Variants in SRGAP1 observed in about 807,000 individuals in gnomAD.
SRGAP1 encodes SLIT-ROBO Rho GTPase-activating protein 1.
A neutral mutation model predicts 121.9 loss-of-function variants in SRGAP1; 43 were observed. That is an observed-to-expected ratio of 0.35 (90% CI 0.28 to 0.46). The LOEUF is 0.46. Among genes scored for constraint, SRGAP1 ranks in the 20% least tolerant of loss-of-function variants. The pLI is 1.00. For missense variants in SRGAP1, 1,102 were observed against 1,350.9 expected, an observed-to-expected ratio of 0.82 and a Z score of 2.89; for synonymous variants, 447 against 485.4, an observed-to-expected ratio of 0.92 and a Z score of 1.04.
intron 1 of SRGAP1, among the ~76,000 whole-genome samples, chr12:63,965,344 G>A (rs900295903): frequency 2.6e-5 from 4 of 151,908 alleles, no homozygotes; most frequent in Non-Finnish European, 1.5e-5. Context: ...TATACAACAG[G>A]CAAATTTATT....
At position 64,148,067 on chromosome 12, in the gene SRGAP1, G is replaced by A. The variant is rs937116787; in HGVS notation, c.*5395G>A. On this transcript the variant is annotated 3_prime_UTR_variant, in exon 22 of 22. Transcript: ENST00000355086. The stretch of plus-strand genomic sequence containing the variant: ...TTCAGTCATGGTTTGGAGGCTCAAT[G>A]TGTAGTCAGAGAAAAGAGTCTTGGC... The A allele has an allele frequency of 6.3e-6, 1 of 157,838 alleles. No individual in the cohort carries two copies. Among genetic ancestry groups the A allele is most frequent in the Admixed American group, 6.5e-5 (1 of 15,426 alleles). The allele number at this position is 157,838 out of a possible 1,614,324, so 9.8% of individuals were successfully genotyped here.
chr12:64,094,969 G>A lies in SRGAP1; in HGVS notation c.1577G>A (p.Cys526Tyr). 6.2e-7 allele frequency: 1 copy of A among 1,614,106 alleles called. No individual in the cohort carries two copies. The highest frequency in any genetic ancestry group is 8.5e-7 in the Non-Finnish European group (1 of 1,179,986). The change falls in exon 13 of 22, where the codon TGT (cysteine) becomes TAT (tyrosine). Residue 526 changes from cysteine to tyrosine, a missense_variant. Transcript: ENST00000355086. Reference sequence around the variant, plus strand: ...GTTATTCCCCTCATTGTGGAAAGCTGTATTCGGTTCATCAATCTCTATGGT... The same window carrying A: ...GTTATTCCCCTCATTGTGGAAAGCTATATTCGGTTCATCAATCTCTATGGT... The part of the protein sequence containing the change: ...GQVIPLIVES[C>Y]IRFINLYGLQ...
intron 1 of SRGAP1, among the ~76,000 whole-genome samples, chr12:63,971,540 A>G (rs2032948180): frequency 6.6e-6 from 1 of 152,218 alleles, no homozygotes; most frequent in Non-Finnish European, 1.5e-5. Flanking sequence ...GACTAGAAGT[A>G]TACTTTTATT....
At chr12:63,930,961 T>C (rs2031456439) in intron 1 of SRGAP1, among the ~76,000 whole-genome samples, 1 of 152,196 alleles carries the variant, frequency 6.6e-6, no homozygotes, top group South Asian at 2.1e-4. Context: ...GAGTTGCTAA[T>C]AGACTGGTTT....
intron 1 of SRGAP1, among the ~76,000 whole-genome samples, chr12:63,981,648 T>TA (rs1170993262): frequency 6.6e-6 from 1 of 152,200 alleles, no homozygotes; most frequent in East Asian, 1.9e-4. Context: ...TCATAGTAGT[T>TA]AAAAGCCTGT....
chr12:63,861,220 C>G (rs908505203), intron 1 of SRGAP1, among the ~76,000 whole-genome samples: 2 of 147,466 alleles, frequency 1.4e-5, no homozygotes, highest in African/African-American at 5.0e-5. Context: ...ACTATGTTAC[C>G]AAGGCTGGTC....
At chr12:63,891,229 G>A (rs1313962578) in intron 1 of SRGAP1, among the ~76,000 whole-genome samples, 2 of 152,126 alleles carry the variant, frequency 1.3e-5, no homozygotes, top group Non-Finnish European at 2.9e-5. Flanking sequence ...CTGAGTTCTT[G>A]TTATCCGAGG....
intron 1 of SRGAP1, among the ~76,000 whole-genome samples, chr12:63,948,876 TA>T (rs1431492440): frequency 8.2e-6 from 1 of 122,096 alleles, no homozygotes; most frequent in African/African-American, 2.9e-5. Flanking sequence ...TCCATATATA[TA>T]TTTTCCATAT....
At chr12:63,870,328 T>A (rs558649401) in intron 1 of SRGAP1, among the ~76,000 whole-genome samples, 7 of 151,988 alleles carry the variant, frequency 4.6e-5, no homozygotes, top group Non-Finnish European at 1.0e-4. Context: ...AGAGAAGAAA[T>A]AAATTTAAAA....
At chr12:64,048,539 T>C (rs2035177950) in intron 6 of SRGAP1, among the ~76,000 whole-genome samples, 1 of 152,196 alleles carries the variant, frequency 6.6e-6, no homozygotes, top group South Asian at 2.1e-4. Flanking sequence ...TGCTAGATGA[T>C]ATGATAACTC....
rs1322736703 is a variant in SRGAP1, at chr12:64,066,642, G to T, written c.1125+1423G>T. Among the ~76,000 whole-genome samples, 9 of 152,268 alleles carry T rather than the reference G, an allele frequency of 5.9e-5. No homozygotes were observed. In the East Asian group the frequency reaches 1.5e-3, roughly 26 times the overall value. On this transcript the variant is annotated intron_variant, in intron 8 of 21. Coordinates refer to ENST00000355086, the MANE Select transcript of SRGAP1 (RefSeq NM_020762.4). ...CAGTATAATTTGGTCAAAACCCATT[G>T]TAATTTTTGGCTTCTATTATTCCGA...
intron 1 of SRGAP1, among the ~76,000 whole-genome samples, chr12:63,938,420 C>T (rs1336850621): frequency 2.0e-5 from 3 of 152,118 alleles, no homozygotes; most frequent in African/African-American, 2.4e-5. Flanking sequence ...CCTGTTACTG[C>T]GGAGCCATGG....
chr12:63,869,159 T>C (rs1325769089), intron 1 of SRGAP1, among the ~76,000 whole-genome samples: 1 of 152,184 alleles, frequency 6.6e-6, no homozygotes, highest in Non-Finnish European at 1.5e-5. Flanking sequence ...AATGAAAATA[T>C]ATTTGTTGGC....
intron 1 of SRGAP1, among the ~76,000 whole-genome samples, chr12:63,864,696 A>C (rs544887913): frequency 1.3e-5 from 2 of 152,312 alleles, no homozygotes; most frequent in African/African-American, 4.8e-5. Flanking sequence ...CAATAATAAT[A>C]AATGTTAGGT....
intron 15 of SRGAP1, among the ~76,000 whole-genome samples, chr12:64,107,362 T>G (rs1173898225): frequency 6.6e-6 from 1 of 152,078 alleles, no homozygotes; most frequent in Non-Finnish European, 1.5e-5. Context: ...TGAATCCAAG[T>G]CAAGGTTGAG....
Position 64,152,924 on chromosome 12 carries a change from A to C in SRGAP1, c.*10252A>C, listed in dbSNP as rs542296680. On this transcript the variant is annotated 3_prime_UTR_variant, in exon 22 of 22. Transcript: ENST00000355086. ...CCTGGTATGATTTAAAAAAAAAAAA[A>C]AAAAAAAAAAAACCACTACATAAGC... is the stretch of plus-strand genomic sequence containing the variant. 4.6e-5 allele frequency: 7 copies of C among 151,466 alleles called. No homozygotes were observed. In the South Asian group the frequency reaches 6.2e-4, roughly 14 times the overall value. 9.4% of individuals were successfully genotyped at this position (151,466 alleles called of 1,614,324 possible).
intron 1 of SRGAP1, among the ~76,000 whole-genome samples, chr12:63,938,741 GTTT>G (rs75409568): frequency 7.0e-6 from 1 of 143,542 alleles, no homozygotes; most frequent in Non-Finnish European, 1.5e-5. Flanking sequence ...ATGTTTTTAG[GTTT>G]TTTTTTTTTT....
chr12:64,041,675 C>CA (rs2035028208), intron 4 of SRGAP1, among the ~76,000 whole-genome samples: 1 of 151,780 alleles, frequency 6.6e-6, no homozygotes, highest in Non-Finnish European at 1.5e-5. Context: ...AGCGTGAAGC[C>CA]ACCATGCCCT....
At chr12:64,069,022 A>AATG (rs397963997) in intron 8 of SRGAP1, among the ~76,000 whole-genome samples, 32 of 150,410 alleles carry the variant, frequency 2.1e-4, no homozygotes, top group Non-Finnish European at 3.4e-4. Context: ...AAAAAAAAAA[A>AATG]TGTGTGTATA....
Sources: allele counts gnomAD v4.1 joint callset (sites outside exome capture counted in the v4.1 genomes callset), GRCh38; gene constraint gnomAD v4.1.1; transcripts MANE v1.5; gene names NCBI Gene and HGNC (gene_info 2026-07-23, HGNC 2026-07-21).